The following KMT2C variants were observed in gnomAD, a reference collection of about 807,000 sequenced individuals.
KMT2C encodes the protein histone-lysine N-methyltransferase 2C.
In KMT2C, 88 loss-of-function variants were observed where a neutral mutation model predicts 507.9. The ratio of observed to expected loss-of-function variants is 0.17; its 90% CI spans 0.15 to 0.21. The LOEUF is 0.21. Ranked by LOEUF, KMT2C falls within the 10% of genes least tolerant of loss-of-function variation. The probability of loss-of-function intolerance (pLI) is 1.00; values close to 1 mark genes in which losing one functional copy is unlikely to be tolerated. For synonymous variants in KMT2C, 2,049 were observed against 2,080.8 expected, an observed-to-expected ratio of 0.98 and a Z score of 0.42; for missense variants, 4,954 against 5,957.8, an observed-to-expected ratio of 0.83 and a Z score of 5.55.
rs780827585 is a variant in KMT2C at position 152,315,195 on chromosome 7, T to C, written c.533A>G (p.Asn178Ser). ...GTTTTGCATTTTCTCATAGGTTCCATTGCTGTTGTCATCAATGTCCTTCTT... is the reference window on the plus strand; with the variant it reads ...GTTTTGCATTTTCTCATAGGTTCCACTGCTGTTGTCATCAATGTCCTTCTT... ...SNKKDIDDNS[N>S]GTYEKMQNSA... is the part of the protein sequence containing the mutation. Residue 178 changes from asparagine to serine, a missense_variant, in exon 4 of 59, where the codon AAT becomes AGT. Around this residue, in one of 29 missense-constraint regions of KMT2C, gnomAD observed 233 missense variants for 263.6 expected, o/e 0.88. Coordinates refer to ENST00000262189, the MANE Select transcript of KMT2C (RefSeq NM_170606.3). 1.3e-5 allele frequency: 21 copies of C among 1,613,994 alleles called. No individual in the cohort carries two copies. The highest frequency in any genetic ancestry group is 1.2e-4 in the African/African-American group (9 of 74,936).
intron 19 of KMT2C, 111 bp from the exon 20 acceptor site, chr7:152,224,290 T>C (rs2094863504): frequency 7.7e-7 from 1 of 1,290,464 alleles, no homozygotes; most frequent in Admixed American, 2.2e-5. Context: ...TTAATGTGTA[T>C]GTGAAAATTT....
At chr7:152,420,501 A>G (rs2097770880) in intron 1 of KMT2C, among the ~76,000 whole-genome samples, 1 of 152,198 alleles carries the variant, frequency 6.6e-6, no homozygotes, top group African/African-American at 2.4e-5. Context: ...GAGTAAACAG[A>G]CAACCTACAG....
intron 7 of KMT2C, among the ~76,000 whole-genome samples, chr7:152,273,033 A>G (rs766821649): frequency 6.6e-6 from 1 of 152,176 alleles, no homozygotes; most frequent in Non-Finnish European, 1.5e-5. Context: ...GCTCATAGGG[A>G]AAACACATAG....
chr7:152,265,502 A>C (rs1043817312), intron 7 of KMT2C, among the ~76,000 whole-genome samples: 2 of 152,204 alleles, frequency 1.3e-5, no homozygotes, highest in Non-Finnish European at 2.9e-5. Context: ...GCCAATGATA[A>C]TGCTGGATAC....
chr7:152,349,852 G>A (rs956337601), intron 2 of KMT2C, among the ~76,000 whole-genome samples: 1 of 152,106 alleles, frequency 6.6e-6, no homozygotes, highest in Non-Finnish European at 1.5e-5. Context: ...AGTATAGGAT[G>A]TTGATACTGA....
intron 6 of KMT2C, among the ~76,000 whole-genome samples, chr7:152,283,947 T>C (rs2096258669): frequency 1.3e-5 from 2 of 152,050 alleles, no homozygotes; most frequent in Middle Eastern, 3.4e-3. Context: ...ACTAGTAAAC[T>C]CAAAAAAAGA....
intron 1 of KMT2C, among the ~76,000 whole-genome samples, chr7:152,415,404 AAAT>A (rs1434475584): frequency 1.1e-4 from 17 of 152,192 alleles, no homozygotes; most frequent in African/African-American, 3.4e-4. Context: ...GAACTAAAAG[AAAT>A]AATGGGACTT....
intron 6 of KMT2C, among the ~76,000 whole-genome samples, chr7:152,280,845 T>C (rs2096195892): frequency 1.3e-5 from 2 of 152,112 alleles, no homozygotes; most frequent in African/African-American, 4.8e-5. Flanking sequence ...TATTACATTT[T>C]TAAGATTTTT....
At chr7:152,376,829 A>G (rs1335546297) in intron 1 of KMT2C, among the ~76,000 whole-genome samples, 3 of 152,304 alleles carry the variant, frequency 2.0e-5, no homozygotes, top group Non-Finnish European at 4.4e-5. Flanking sequence ...TATGTAGACA[A>G]AAGAGCCTTC....
chr7:152,396,434 T>G (rs1360630754), intron 1 of KMT2C, among the ~76,000 whole-genome samples: 2 of 152,216 alleles, frequency 1.3e-5, no homozygotes, highest in Admixed American at 6.5e-5. Flanking sequence ...GTAAAGCACT[T>G]AGGATAGTGC....
At chr7:152,359,911 T>G (rs1458413413) in intron 1 of KMT2C, among the ~76,000 whole-genome samples, 1 of 150,552 alleles carries the variant, frequency 6.6e-6, no homozygotes, top group Non-Finnish European at 1.5e-5. Flanking sequence ...TAGCCAGGTG[T>G]TGTGGCGTGT....
intron 18 of KMT2C, among the ~76,000 whole-genome samples, chr7:152,225,816 C>T (rs1325120417): frequency 6.6e-6 from 1 of 152,132 alleles, no homozygotes; most frequent in East Asian, 1.9e-4. Context: ...AAAAACTAAT[C>T]TTATATGATA....
chr7:152,175,947 G>A (rs2129112215), intron 38 of KMT2C, among the ~76,000 whole-genome samples: 1 of 152,244 alleles, frequency 6.6e-6, no homozygotes, highest in South Asian at 2.1e-4. Context: ...GGAGGCTGAG[G>A]CAGGAGAATC....
chr7:152,265,813 T>C (rs1292261679), intron 7 of KMT2C, among the ~76,000 whole-genome samples: 1 of 152,050 alleles, frequency 6.6e-6, no homozygotes, highest in Non-Finnish European at 1.5e-5. Flanking sequence ...TTACTTAATA[T>C]ACTAATTATA....
intron 20 of KMT2C, 65 bp from the exon 21 acceptor site, chr7:152,222,747 A>C: frequency 1.1e-6 from 1 of 870,742 alleles, no homozygotes; most frequent in East Asian, 2.6e-5. Context: ...GCTACCTTTT[A>C]AAACCTGTAA....
Position 152,215,149 on chromosome 7 carries a change from C to T in KMT2C, c.3712+5374G>A, listed in dbSNP as rs927432337. Among the ~76,000 whole-genome samples, 11 of 152,004 alleles carry T rather than the reference C, an allele frequency of 7.2e-5. No homozygotes were observed. In the South Asian group the frequency reaches 2.1e-3, roughly 29 times the overall value. ...ATGTCTTTGGATTTAGCAAGGAATT[C>T]ACCTTTGCAGGCCCACTTACATACA... On this transcript the variant is annotated intron_variant, in intron 23 of 58. Coordinates refer to ENST00000262189, the MANE Select transcript of KMT2C (RefSeq NM_170606.3).
chr7:152,307,907 T>C (rs1030426330), intron 6 of KMT2C, among the ~76,000 whole-genome samples: 11 of 152,170 alleles, frequency 7.2e-5, no homozygotes, highest in African/African-American at 2.7e-4. Flanking sequence ...ACCAAAAAGC[T>C]CATTTAGCCT....
intron 39 of KMT2C, among the ~76,000 whole-genome samples, chr7:152,172,343 G>C (rs911896550): frequency 6.6e-6 from 1 of 152,152 alleles, no homozygotes; most frequent in Non-Finnish European, 1.5e-5. Context: ...ACCGGCAGAT[G>C]CATGATGCTA....
chr7:152,309,982 A>G lies in KMT2C; in HGVS notation c.833T>C (p.Val278Ala), dbSNP rs761559078. ...PLLVNVDKAV[V>A]SGSTERCAFC... ...TCTACTTACTTCTGTGCTCCCTGAG[A>G]CAACAGCTTTGTCCACGTTCACTAA... Residue 278 changes from valine (V) to alanine (A), a missense_variant, in exon 6 of 59, where the codon GTC becomes GCC. Val to Ala is a moderately conservative substitution (Grantham distance 64). Transcript: ENST00000262189. 6.2e-7 allele frequency: 1 copy of G among 1,609,088 alleles called. No homozygotes were observed. Among genetic ancestry groups the G allele is most frequent in the South Asian group, 1.1e-5 (1 of 90,970 alleles).
Sources: allele counts gnomAD v4.1 joint callset (sites outside exome capture counted in the v4.1 genomes callset), GRCh38; gene constraint gnomAD v4.1.1; regional missense constraint gnomAD v4.1.1; transcripts MANE v1.5; gene names NCBI Gene and HGNC (gene_info 2026-07-23, HGNC 2026-07-21).